CSMD1: variants seen among roughly 807,000 people sequenced by gnomAD.
CSMD1 encodes CUB and sushi domain-containing protein 1.
A neutral mutation model predicts 417.5 loss-of-function variants in CSMD1; 213 were observed. That is an observed-to-expected ratio of 0.51 (90% CI 0.46 to 0.57). CSMD1 has a LOEUF of 0.57. Ranked by LOEUF, CSMD1 falls within the 20% of genes least tolerant of loss-of-function variation. The probability of loss-of-function intolerance (pLI) is 0.00; values close to 1 mark genes in which losing one functional copy is unlikely to be tolerated. For synonymous variants in CSMD1, 2,862 were observed against 1,736.8 expected, an observed-to-expected ratio of 1.65 and a Z score of -16.11; for missense variants, 6,923 against 4,529.7, an observed-to-expected ratio of 1.53 and a Z score of -15.17.
chr8:4,353,170 G>A (rs1801197052), intron 3 of CSMD1, among the ~76,000 whole-genome samples: 1 of 152,170 alleles, frequency 6.6e-6, no homozygotes, highest in Admixed American at 6.5e-5. Flanking sequence ...ACCTTGAATT[G>A]TAATAATCCC....
chr8:3,878,687 G>A (rs756585792), intron 5 of CSMD1, among the ~76,000 whole-genome samples: 6 of 152,152 alleles, frequency 3.9e-5, no homozygotes, highest in Admixed American at 6.5e-5. Flanking sequence ...AGTCTGAGTT[G>A]CTAGTATGTC....
At chr8:4,199,453 T>A (rs1042565425) in intron 3 of CSMD1, among the ~76,000 whole-genome samples, 1 of 152,184 alleles carries the variant, frequency 6.6e-6, no homozygotes. Flanking sequence ...TGCATCTCAG[T>A]TTCCTGAGAA....
chr8:3,269,818 T>C (rs1316739053), intron 26 of CSMD1, among the ~76,000 whole-genome samples: 1 of 152,192 alleles, frequency 6.6e-6, no homozygotes, highest in Non-Finnish European at 1.5e-5. Flanking sequence ...TGTCCTTCTG[T>C]TTTACATGCT....
At chr8:4,159,261 G>C (rs200684434) in intron 3 of CSMD1, among the ~76,000 whole-genome samples, 1 of 152,108 alleles carries the variant, frequency 6.6e-6, no homozygotes, top group Non-Finnish European at 1.5e-5. Context: ...TTACTCATTG[G>C]GGTAGCATTT....
intron 1 of CSMD1, among the ~76,000 whole-genome samples, chr8:4,979,405 A>G (rs1584946880): frequency 6.6e-6 from 1 of 152,188 alleles, no homozygotes. Context: ...CGGCCACACT[A>G]TGAGGAGGAG....
At chr8:4,244,865 C>T (rs1337306818) in intron 3 of CSMD1, among the ~76,000 whole-genome samples, 2 of 152,052 alleles carry the variant, frequency 1.3e-5, no homozygotes, top group Non-Finnish European at 2.9e-5. Context: ...ACAAGATCCC[C>T]TAGGGATATT....
chr8:4,120,666 A>G (rs993780885), intron 3 of CSMD1, among the ~76,000 whole-genome samples: 2 of 152,196 alleles, frequency 1.3e-5, no homozygotes, highest in African/African-American at 2.4e-5. Context: ...TCATCACGTG[A>G]CTTTTAAAGA....
intron 5 of CSMD1, among the ~76,000 whole-genome samples, chr8:3,824,536 G>C (rs1404150000): frequency 6.6e-6 from 1 of 152,198 alleles, no homozygotes; most frequent in Non-Finnish European, 1.5e-5. Context: ...TGATGAGTCT[G>C]AATTAACATG....
rs1247601738 is a variant in CSMD1, at chr8:4,343,364, C to A, written c.415+76589G>T. Among the ~76,000 whole-genome samples, 6 of 152,076 alleles carry A rather than the reference C, an allele frequency of 3.9e-5. No homozygotes were observed. In the East Asian group the frequency reaches 7.8e-4, roughly 20 times the overall value. On this transcript the variant is annotated intron_variant, in intron 3 of 69. Coordinates refer to ENST00000635120, the MANE Select transcript of CSMD1 (RefSeq NM_033225.6). Reference sequence around the variant, plus strand: ...GGAGATCTAATATAGAACAGTGTGACTGAATTTAATATTCTCTTGCTAAGA... The same window carrying A: ...GGAGATCTAATATAGAACAGTGTGAATGAATTTAATATTCTCTTGCTAAGA...
intron 2 of CSMD1, among the ~76,000 whole-genome samples, chr8:4,593,141 T>A (rs1273858313): frequency 2.0e-5 from 3 of 152,180 alleles, no homozygotes; most frequent in African/African-American, 4.8e-5. Context: ...TGGAGGATGC[T>A]GAGGTCTCAG....
intron 5 of CSMD1, among the ~76,000 whole-genome samples, chr8:3,833,757 T>C (rs1260953364): frequency 6.6e-6 from 1 of 152,154 alleles, no homozygotes; most frequent in Non-Finnish European, 1.5e-5. Flanking sequence ...TTTTAAAATG[T>C]GGCCCTGGTT....
chr8:3,893,793 T>C (rs183462743), intron 5 of CSMD1, among the ~76,000 whole-genome samples: 7 of 152,244 alleles, frequency 4.6e-5, no homozygotes, highest in Non-Finnish European at 4.4e-5. Flanking sequence ...GAATTTCCCC[T>C]ATAGAGAGCA....
chr8:4,444,615 G>T (rs772150876), intron 2 of CSMD1, among the ~76,000 whole-genome samples: 1 of 152,098 alleles, frequency 6.6e-6, no homozygotes, highest in African/African-American at 2.4e-5. Flanking sequence ...ACAAGGGATA[G>T]ATGCCATCTG....
At chr8:4,129,406 T>G (rs1802960711) in intron 3 of CSMD1, among the ~76,000 whole-genome samples, 1 of 152,136 alleles carries the variant, frequency 6.6e-6, no homozygotes, top group Non-Finnish European at 1.5e-5. Flanking sequence ...ATGTTCTCCT[T>G]TCTTGGCTAA....
chr8:4,391,589 T>C (rs1803853548), intron 3 of CSMD1, among the ~76,000 whole-genome samples: 2 of 152,004 alleles, frequency 1.3e-5, no homozygotes, highest in Admixed American at 6.6e-5. Flanking sequence ...TACCCTATTT[T>C]TGCCCCCGCT....
At chr8:4,287,365 C>A (rs1272222730) in intron 3 of CSMD1, among the ~76,000 whole-genome samples, 1 of 152,136 alleles carries the variant, frequency 6.6e-6, no homozygotes, top group Non-Finnish European at 1.5e-5. Context: ...AGCACACAAT[C>A]TAGAGGAACA....
At chr8:4,869,082 G>A (rs1479333914) in intron 1 of CSMD1, among the ~76,000 whole-genome samples, 1 of 151,706 alleles carries the variant, frequency 6.6e-6, no homozygotes, top group African/African-American at 2.4e-5. Context: ...AATTTTAAAA[G>A]AGAAACAATT....
intron 3 of CSMD1, among the ~76,000 whole-genome samples, chr8:4,289,532 C>G (rs1563396389): frequency 2.0e-5 from 3 of 152,138 alleles, no homozygotes; most frequent in Admixed American, 2.0e-4. Flanking sequence ...AGATGTAACA[C>G]TTTCAGATCT....
chr8:3,721,103 G>A (rs1430560629), intron 6 of CSMD1, among the ~76,000 whole-genome samples: 4 of 152,266 alleles, frequency 2.6e-5, no homozygotes, highest in African/African-American at 7.2e-5. Flanking sequence ...GATTACAGGT[G>A]TGAGCCACCA....
Sources: gnomAD v4.1 joint callset for allele counts (sites outside exome capture counted in the v4.1 genomes callset) on GRCh38, gnomAD v4.1.1 for gene constraint, MANE v1.5 for transcripts, NCBI Gene and HGNC (gene_info 2026-07-23, HGNC 2026-07-21) for gene names.